The following DEAF1 variants were observed in gnomAD, a reference collection of about 807,000 sequenced individuals.
DEAF1 encodes DEAF1 transcription factor.
In DEAF1, 53 loss-of-function variants were observed where a neutral mutation model predicts 58.9. The observed-to-expected ratio is 0.90, with a 90% confidence interval of 0.72 to 1.13. The LOEUF (loss-of-function observed/expected upper bound fraction) is 1.13. DEAF1 is among the 50% of genes most tolerant of loss of function. The probability of loss-of-function intolerance (pLI) is 0.00; values close to 1 mark genes in which losing one functional copy is unlikely to be tolerated. For missense variants in DEAF1, 685 were observed against 791.4 expected, an observed-to-expected ratio of 0.87 and a Z score of 1.61; for synonymous variants, 385 against 340.4, an observed-to-expected ratio of 1.13 and a Z score of -1.44.
At chr11:685,082 C>A in intron 5 of DEAF1, 119 bp from the exon 6 acceptor site, 10 of 357,422 alleles carry the variant, frequency 2.8e-5, no homozygotes, top group South Asian at 4.8e-5. Flanking sequence ...TATAAAAATT[C>A]TTTTTTTTTT....
chr11:659,740 C>T (rs1483407960), intron 10 of DEAF1, among the ~76,000 whole-genome samples: 2 of 152,184 alleles, frequency 1.3e-5, no homozygotes, highest in Non-Finnish European at 2.9e-5. Flanking sequence ...GCTCCTTTCC[C>T]GGCACTGCAG....
Position 653,959 on chromosome 11 carries a change from T to G in DEAF1, c.1593+3A>C, listed in dbSNP as rs1465236398. The G allele has an allele frequency of 6.2e-7, 1 of 1,613,624 alleles. No homozygotes were observed. Among genetic ancestry groups the G allele is most frequent in the African/African-American group, 1.3e-5 (1 of 74,870 alleles). On this transcript the variant is annotated splice_donor_region_variant and intron_variant, in intron 11 of 11. Coordinates refer to ENST00000382409, the MANE Select transcript of DEAF1 (RefSeq NM_021008.4). ...CACTGAGCCTGGTGTAGGTGAGACC[T>G]ACCTTGCGTTGGCAGAAGGTGGAGC...
At chr11:705,001 A>G (rs1590041814) in intron 1 of DEAF1, 1 of 248,088 alleles carries the variant, frequency 4.0e-6, no homozygotes, top group Non-Finnish European at 8.0e-6. Context: ...AGGTTCCTGG[A>G]GATCAAACGG....
intron 11 of DEAF1, among the ~76,000 whole-genome samples, chr11:647,989 G>C (rs1297690723): frequency 0.19 from 1,780 of 9,456 alleles, 384 homozygotes; most frequent in South Asian, 0.3. Context: ...GCGGTGCTGG[G>C]AGCAGGTGGG....
chr11:673,432 G>A (rs1028662799), intron 10 of DEAF1, among the ~76,000 whole-genome samples: 2 of 152,102 alleles, frequency 1.3e-5, no homozygotes, highest in African/African-American at 4.8e-5. Flanking sequence ...GGAGGCTGAG[G>A]CACAAGAATC....
At chr11:702,798 G>T in intron 1 of DEAF1, 1 of 738,922 alleles carries the variant, frequency 1.4e-6, no homozygotes, top group East Asian at 2.8e-5. Flanking sequence ...GGTGGCCATG[G>T]AGGCTGTTTC....
At chr11:703,172 C>T in intron 1 of DEAF1, 1 of 1,586,866 alleles carries the variant, frequency 6.3e-7, no homozygotes, top group Non-Finnish European at 8.6e-7. Flanking sequence ...CGGGATACCC[C>T]ACACTGGGGC....
At chr11:675,224 T>C (rs1462474791) in intron 9 of DEAF1, among the ~76,000 whole-genome samples, 1 of 151,206 alleles carries the variant, frequency 6.6e-6, no homozygotes, top group Non-Finnish European at 1.5e-5. Flanking sequence ...AAAAAATAAA[T>C]AAAAATTCTC....
rs375035806 is a variant in DEAF1 at position 653,944 on chromosome 11, G to C, written c.1593+18C>G. ...GGGAGGAGGCGGGGGCACTGAGCCT[G>C]GTGTAGGTGAGACCTACCTTGCGTT... On this transcript the variant is annotated intron_variant, in intron 11 of 11. Transcript: ENST00000382409. 5 of 1,609,982 alleles carry C rather than the reference G, an allele frequency of 3.1e-6. No individual in the cohort carries two copies. The African/African-American group carries it at 5.4e-5, about 17-fold the overall frequency.
chr11:668,749 G>T (rs1859668214), intron 10 of DEAF1, among the ~76,000 whole-genome samples: 1 of 152,180 alleles, frequency 6.6e-6, no homozygotes, highest in African/African-American at 2.4e-5. Flanking sequence ...TTGAGCCTGG[G>T]AACTTGAGGC....
At chr11:661,582 C>T (rs923033740) in intron 10 of DEAF1, among the ~76,000 whole-genome samples, 1 of 151,830 alleles carries the variant, frequency 6.6e-6, no homozygotes, top group Non-Finnish European at 1.5e-5. Flanking sequence ...TGGTGGCAAG[C>T]GCCTGTAACC....
In DEAF1 at chr11:654,529, A is replaced by T. The variant is rs1293154614; in HGVS notation, c.1504-478T>A. The stretch of plus-strand genomic sequence containing the variant: ...TCAGAACGTTCTTGTCACCTCCAGA[A>T]TCAGCTCTTTCCTGGCCTCAGTGCA... On this transcript the variant is annotated intron_variant, in intron 10 of 11. Transcript: ENST00000382409. The T allele has an allele frequency of 1.1e-5, 5 of 455,172 alleles. No homozygotes were observed. The East Asian group carries it at 2.1e-4, about 19-fold the overall frequency. 28.2% of individuals were successfully genotyped at this position (455,172 alleles called of 1,614,324 possible).
chr11:658,635 G>A (rs577114073), intron 10 of DEAF1, among the ~76,000 whole-genome samples: 11 of 152,390 alleles, frequency 7.2e-5, no homozygotes, highest in Non-Finnish European at 1.3e-4. Context: ...AGAAGCTCAT[G>A]CTGCCAAGCA....
chr11:704,446 C>G, intron 1 of DEAF1: 1 of 1,289,150 alleles, frequency 7.8e-7, no homozygotes, highest in African/African-American at 1.5e-5. Flanking sequence ...CCCCAGTGGC[C>G]ACGGTGAGCT....
At chr11:651,220 A>G (rs932910938) in intron 11 of DEAF1, 4 of 159,004 alleles carry the variant, frequency 2.5e-5, no homozygotes, top group Non-Finnish European at 5.5e-5. Context: ...TCAGCCTCCC[A>G]AAGTGCTGGG....
chr11:703,687 G>A, intron 1 of DEAF1: 3 of 1,232,398 alleles, frequency 2.4e-6, no homozygotes, highest in Non-Finnish European at 3.0e-6. Flanking sequence ...CTGCCTCACA[G>A]GCAGGCAGGC....
intron 1 of DEAF1, 100 bp downstream of exon 1, chr11:694,659 A>G: frequency 1.8e-6 from 2 of 1,114,010 alleles, no homozygotes; most frequent in Non-Finnish European, 2.3e-6. Context: ...TGTGAGGGAC[A>G]GGTGTGGCGG....
chr11:670,721 T>C (rs966581753), intron 10 of DEAF1, among the ~76,000 whole-genome samples: 11 of 150,422 alleles, frequency 7.3e-5, no homozygotes, highest in Admixed American at 3.3e-4. Context: ...TCAAAATATA[T>C]ATATATCTTT....
rs73402989 is a variant in DEAF1 at position 657,803 on chromosome 11, C to A, written c.1504-3752G>T. Among the ~76,000 whole-genome samples the A allele has an allele frequency of 2.6e-5, 4 of 152,244 alleles. No homozygotes were observed. The East Asian group carries it at 5.8e-4, about 22-fold the overall frequency. Reference sequence around the variant, plus strand: ...CACCTGGACAAACTGCCTGGCCAGGCCCTCTCAGAACTGCAGGGCATGGAA... The same window carrying A: ...CACCTGGACAAACTGCCTGGCCAGGACCTCTCAGAACTGCAGGGCATGGAA... On this transcript the variant is annotated intron_variant, in intron 10 of 11. Coordinates refer to ENST00000382409, the MANE Select transcript of DEAF1 (RefSeq NM_021008.4).
Sources: gnomAD v4.1 joint callset for allele counts (sites outside exome capture counted in the v4.1 genomes callset) on GRCh38, gnomAD v4.1.1 for gene constraint, MANE v1.5 for transcripts, NCBI Gene and HGNC (gene_info 2026-07-23, HGNC 2026-07-21) for gene names.